Variants in DAB1 observed in about 807,000 individuals in gnomAD.
DAB1 encodes disabled homolog 1.
DAB1 carries 15 observed loss-of-function variants against 64.6 expected under a neutral mutation model. The ratio of observed to expected loss-of-function variants is 0.23; its 90% CI spans 0.16 to 0.36. The LOEUF (loss-of-function observed/expected upper bound fraction) is 0.36. DAB1 is among the 10% of genes least tolerant of loss of function. The pLI is 1.00. For missense variants in DAB1, 596 were observed against 706.7 expected (o/e 0.84, Z 1.78); for synonymous variants, 235 against 251.9 (o/e 0.93, Z 0.64).
chr1:57,144,222 A>G (rs1266371705), intron 3 of DAB1, among the ~76,000 whole-genome samples: 1 of 152,068 alleles, frequency 6.6e-6, no homozygotes, highest in Non-Finnish European at 1.5e-5. Context: ...AGAAAAATAA[A>G]TAATATATGT....
At chr1:57,718,861 TAGAAAATAATTTTAAA>T (rs1647116726) in intron 6 of DAB1, among the ~76,000 whole-genome samples, 1 of 151,886 alleles carries the variant, frequency 6.6e-6, no homozygotes, top group Non-Finnish European at 1.5e-5. Flanking sequence ...TTTCATCAAG[TAGAAAATAATTTTAAA>T]AGCATTCTTA....
At chr1:58,400,397 T>C (rs556580780) in intron 3 of DAB1, among the ~76,000 whole-genome samples, 23 of 152,238 alleles carry the variant, frequency 1.5e-4, no homozygotes, top group African/African-American at 4.8e-4. Context: ...AGGATGGTGA[T>C]GCATGATTCA....
chr1:57,791,673 A>C (rs1348387261), intron 6 of DAB1, among the ~76,000 whole-genome samples: 1 of 152,274 alleles, frequency 6.6e-6, no homozygotes. Flanking sequence ...TCTTTTCAAC[A>C]AAGACCAGTT....
intron 5 of DAB1, among the ~76,000 whole-genome samples, chr1:57,966,636 G>A (rs77163465): frequency 0.019 from 2,929 of 152,170 alleles, 51 homozygotes; most frequent in East Asian, 0.04. Flanking sequence ...GGGGTAATTC[G>A]TTACCTAGCA....
intron 5 of DAB1, among the ~76,000 whole-genome samples, chr1:58,029,379 T>C (rs1191458920): frequency 6.6e-6 from 1 of 152,146 alleles, no homozygotes; most frequent in Non-Finnish European, 1.5e-5. Flanking sequence ...CCACTTACAG[T>C]TGCTGTTACA....
In DAB1 at chr1:58,278,128, G is replaced by A. The variant is rs749820902; in HGVS notation, n.309+65224C>T. Reference sequence around the variant, plus strand: ...GTAATCCCCATAATCCCCACATGTCGAGGGTGGGGCCTGGTGGGAGGTGAT... The same window carrying A: ...GTAATCCCCATAATCCCCACATGTCAAGGGTGGGGCCTGGTGGGAGGTGAT... On this transcript the variant is annotated intron_variant and non_coding_transcript_variant, in intron 4 of 20. Transcript: ENST00000485760. Among the ~76,000 whole-genome samples the A allele has an allele frequency of 1.3e-3, 205 of 152,252 alleles. 3 individuals are homozygous for A. The highest frequency in any genetic ancestry group is 1.9e-3 in the East Asian group (10 of 5,180).
intron 1 of DAB1, among the ~76,000 whole-genome samples, chr1:57,302,589 G>A (rs971271618): frequency 6.6e-6 from 1 of 152,036 alleles, no homozygotes; most frequent in Non-Finnish European, 1.5e-5. Flanking sequence ...TGCAACATGG[G>A]CACTGGGATT....
intron 5 of DAB1, among the ~76,000 whole-genome samples, chr1:58,136,134 C>T (rs1280909260): frequency 6.6e-6 from 1 of 152,130 alleles, no homozygotes; most frequent in Non-Finnish European, 1.5e-5. Flanking sequence ...AAGACTCCAA[C>T]AATCAATTCA....
At chr1:57,819,013 A>G in intron 6 of DAB1, among the ~76,000 whole-genome samples, 1 of 152,092 alleles carries the variant, frequency 6.6e-6, no homozygotes, top group Non-Finnish European at 1.5e-5. Flanking sequence ...TTTTTAAAAA[A>G]TCTCTAGTTA....
chr1:57,125,449 G>C (rs1040189418), intron 4 of DAB1, among the ~76,000 whole-genome samples: 1 of 152,062 alleles, frequency 6.6e-6, no homozygotes, highest in Non-Finnish European at 1.5e-5. Flanking sequence ...TTCTTCTATA[G>C]CAGGTTATAC....
At chr1:57,823,704 G>A (rs1020805176), downstream of DAB1, among the ~76,000 whole-genome samples, 2 of 152,140 alleles carry the variant, frequency 1.3e-5, no homozygotes, top group African/African-American at 4.8e-5. Context: ...TGTATAAAAG[G>A]AAAGTGGCCC....
intron 5 of DAB1, chr1:58,049,346 A>G: frequency 1.6e-6 from 1 of 629,708 alleles, no homozygotes. Flanking sequence ...ATCCACGGGC[A>G]GAAAGGAGCA....
At chr1:58,097,239 G>C (rs1651042552) in intron 5 of DAB1, among the ~76,000 whole-genome samples, 1 of 152,150 alleles carries the variant, frequency 6.6e-6, no homozygotes, top group Non-Finnish European at 1.5e-5. Flanking sequence ...CTGAGGCACA[G>C]AGACTGAGTC....
intron 7 of DAB1, among the ~76,000 whole-genome samples, chr1:57,588,659 T>C (rs1158066286): frequency 6.6e-6 from 1 of 152,220 alleles, no homozygotes; most frequent in African/African-American, 2.4e-5. Flanking sequence ...TTCTTATTTA[T>C]GTAGCATTTA....
intron 1 of DAB1, among the ~76,000 whole-genome samples, chr1:57,415,985 G>A (rs182862449): frequency 5.8e-4 from 88 of 151,996 alleles, no homozygotes; most frequent in Middle Eastern, 3.4e-3. Context: ...AAAACCCTAG[G>A]GTAGATCAAC....
intron 2 of DAB1, among the ~76,000 whole-genome samples, chr1:57,195,876 G>C (rs1664583483): frequency 6.6e-6 from 1 of 152,222 alleles, no homozygotes; most frequent in African/African-American, 2.4e-5. Flanking sequence ...CAGCTTTGTA[G>C]GTAGGCAGTG....
At chr1:57,772,422 T>C (rs1339980327) in intron 6 of DAB1, among the ~76,000 whole-genome samples, 4 of 152,198 alleles carry the variant, frequency 2.6e-5, no homozygotes, top group African/African-American at 9.6e-5. Flanking sequence ...ACTAAGACAT[T>C]TGTTAATGGA....
At chr1:57,379,202 T>C (rs1262221606) in intron 1 of DAB1, among the ~76,000 whole-genome samples, 4 of 152,172 alleles carry the variant, frequency 2.6e-5, no homozygotes, top group African/African-American at 9.7e-5. Context: ...ATTTCGTACA[T>C]TGAAGTTATG....
intron 7 of DAB1, among the ~76,000 whole-genome samples, chr1:57,602,025 C>T (rs943403720): frequency 2.0e-5 from 3 of 152,092 alleles, no homozygotes; most frequent in Non-Finnish European, 2.9e-5. Flanking sequence ...TTAGAAGTCT[C>T]GTATAGCTTT....
Sources: gnomAD v4.1 joint callset for allele counts (sites outside exome capture counted in the v4.1 genomes callset) on GRCh38, gnomAD v4.1.1 for gene constraint, MANE v1.5 for transcripts, NCBI Gene and HGNC (gene_info 2026-07-23, HGNC 2026-07-21) for gene names.